MCM6: variants seen among roughly 807,000 people sequenced by gnomAD.
MCM6 encodes minichromosome maintenance complex component 6, also known as DNA replication licensing factor MCM6.
MCM6 carries 46 observed loss-of-function variants against 94.3 expected under a neutral mutation model. The observed-to-expected ratio is 0.49, with a 90% CI of 0.39 to 0.62. MCM6 has a LOEUF of 0.62. MCM6 is among the 20% of genes least tolerant of loss of function. MCM6 has a pLI of 0.00. For missense variants in MCM6, 865 were observed against 1,017.9 expected (o/e 0.85, Z 2.04); for synonymous variants, 335 against 351.9 (o/e 0.95, Z 0.54).
intron 14 of MCM6, among the ~76,000 whole-genome samples, chr2:135,846,620 G>A (rs940109114): frequency 6.6e-6 from 1 of 152,072 alleles, no homozygotes; most frequent in African/African-American, 2.4e-5. Context: ...GGGATTACAG[G>A]TGTGGGCCAC....
chr2:135,858,560 T>C (rs1348628431), intron 9 of MCM6, among the ~76,000 whole-genome samples: 1 of 152,162 alleles, frequency 6.6e-6, no homozygotes, highest in East Asian at 1.9e-4. Context: ...GGGACTCTTC[T>C]ATTCTCCAAA....
At chr2:135,843,730 C>CAAAAAAAA (rs55634938) in intron 16 of MCM6, among the ~76,000 whole-genome samples, 3 of 90,902 alleles carry the variant, frequency 3.3e-5, no homozygotes, top group African/African-American at 1.1e-4. Context: ...AACTCTGTCT[C>CAAAAAAAA]AAAAAAAAAA....
chr2:135,844,236 T>C (rs915525206), intron 16 of MCM6, among the ~76,000 whole-genome samples: 20 of 151,900 alleles, frequency 1.3e-4, no homozygotes, highest in Non-Finnish European at 1.0e-4. Context: ...AAATGAAACA[T>C]AGAAAGTAGG....
intron 16 of MCM6, 129 bp from the exon 17 acceptor site, chr2:135,841,080 T>C (rs554872894): frequency 4.3e-6 from 3 of 690,354 alleles, no homozygotes; most frequent in Admixed American, 4.4e-5. Context: ...TAGAAACTCC[T>C]AGGAAAAGGA....
chr2:135,862,582 A>C, intron 8 of MCM6, 25 bp downstream of exon 8: 1 of 1,613,108 alleles, frequency 6.2e-7, no homozygotes, highest in African/African-American at 1.3e-5. Context: ...TTTTTCCTGC[A>C]ACACTGTATC....
intron 8 of MCM6, 58 bp from the exon 9 acceptor site, chr2:135,859,500 A>C (rs995405227): frequency 2.7e-5 from 33 of 1,231,828 alleles, no homozygotes; most frequent in Admixed American, 2.4e-5. Context: ...CACCCTTCCC[A>C]GGAAAACCAG....
chr2:135,843,600 C>A (rs539073425), intron 16 of MCM6, among the ~76,000 whole-genome samples: 126 of 151,420 alleles, frequency 8.3e-4, no homozygotes, highest in African/African-American at 2.8e-3. Context: ...ATTAGCCGGG[C>A]GTGGTGGCCG....
intron 4 of MCM6, among the ~76,000 whole-genome samples, chr2:135,867,369 T>C (rs1256795997): frequency 1.3e-5 from 2 of 150,122 alleles, no homozygotes; most frequent in Non-Finnish European, 3.0e-5. Flanking sequence ...ACAGTTGTGT[T>C]CCCCCCCCCA....
chr2:135,867,625 G>A (rs1680124138), intron 4 of MCM6, among the ~76,000 whole-genome samples: 1 of 151,930 alleles, frequency 6.6e-6, no homozygotes, highest in Non-Finnish European at 1.5e-5. Context: ...GAAATCTGAG[G>A]GTCCCCTTCA....
At chr2:135,870,529 T>C (rs563025175) in intron 2 of MCM6, among the ~76,000 whole-genome samples, 168 bp from the exon 3 acceptor site, 10 of 152,298 alleles carry the variant, frequency 6.6e-5, no homozygotes, top group African/African-American at 2.4e-4. Flanking sequence ...AGGACCCTCT[T>C]TCAGTTCTCT....
chr2:135,871,909 T>C lies in MCM6; in HGVS notation c.254+788A>G, dbSNP rs1194654022. On this transcript the variant is annotated intron_variant, in intron 2 of 16. Coordinates refer to ENST00000264156, the MANE Select transcript of MCM6 (RefSeq NM_005915.6). ...ATTTAATTCTCCTTACTCTTCTCCA[T>C]TTTCTACAATATATACCTATTACTT... Among the ~76,000 whole-genome samples the C allele has an allele frequency of 2.0e-5, 3 of 152,316 alleles. No homozygotes were observed. In the East Asian group the frequency reaches 5.8e-4, roughly 29 times the overall value.
Position 135,866,115 on chromosome 2 carries a change from C to T in MCM6, c.927+17G>A. On this transcript the variant is annotated intron_variant, in intron 6 of 16. Coordinates refer to ENST00000264156, the MANE Select transcript of MCM6 (RefSeq NM_005915.6). ...AGACTGTTTCAAAAACAAACAAAAACCCCCAAAACGACTGACCCTTGGGTT... is the reference window on the plus strand; with the variant it reads ...AGACTGTTTCAAAAACAAACAAAAATCCCCAAAACGACTGACCCTTGGGTT... 6.2e-7 allele frequency: 1 copy of T among 1,612,646 alleles called. No individual in the cohort carries two copies. The highest frequency in any genetic ancestry group is 8.5e-7 in the Non-Finnish European group (1 of 1,179,604).
At chr2:135,869,785 G>A (rs921778345) in intron 3 of MCM6, among the ~76,000 whole-genome samples, 7 of 151,846 alleles carry the variant, frequency 4.6e-5, no homozygotes, top group South Asian at 2.1e-4. Context: ...CCTAAAAGGC[G>A]CCCTAAAATG....
Position 135,840,675 on chromosome 2 carries a change from G to A in MCM6, c.*160C>T. The A allele has an allele frequency of 1.7e-6, 1 of 584,762 alleles. No individual in the cohort carries two copies. The highest frequency in any genetic ancestry group is 3.1e-6 in the Non-Finnish European group (1 of 326,620). The allele number at this position is 584,762 out of a possible 1,614,324, so 36.2% of individuals were successfully genotyped here. Reference sequence around the variant, plus strand: ...TGTTGGTATGAAACCTGTGATGAATGTGACACATAGGACCATCAACTCAAT... The same window carrying A: ...TGTTGGTATGAAACCTGTGATGAATATGACACATAGGACCATCAACTCAAT... On this transcript the variant is annotated 3_prime_UTR_variant, in exon 17 of 17. Transcript: ENST00000264156.
intron 5 of MCM6, 27 bp downstream of exon 5, chr2:135,866,536 G>C (rs1461638633): frequency 5.7e-6 from 9 of 1,590,252 alleles, no homozygotes; most frequent in Non-Finnish European, 6.0e-6. Flanking sequence ...CTGAGAATTT[G>C]TTAAATTTGA....
chr2:135,864,777 A>T (rs1196445240), intron 7 of MCM6, among the ~76,000 whole-genome samples: 1 of 152,006 alleles, frequency 6.6e-6, no homozygotes, highest in African/African-American at 2.4e-5. Flanking sequence ...TAAATAACTC[A>T]TTTCTCCCAT....
chr2:135,867,539 GATA>G (rs1680121208), intron 4 of MCM6, among the ~76,000 whole-genome samples: 2 of 152,230 alleles, frequency 1.3e-5, no homozygotes, highest in South Asian at 4.1e-4. Context: ...AAATTCATCT[GATA>G]ATAATTATTC....
intron 11 of MCM6, among the ~76,000 whole-genome samples, 158 bp from the exon 12 acceptor site, chr2:135,853,073 G>C (rs1057091138): frequency 1.3e-5 from 2 of 152,192 alleles, no homozygotes; most frequent in African/African-American, 4.8e-5. Context: ...TTTGGGAACA[G>C]GTGGATTTAA....
chr2:135,862,578 C>G (rs916043619), intron 8 of MCM6, 29 bp downstream of exon 8: 3 of 1,612,268 alleles, frequency 1.9e-6, no homozygotes, highest in Non-Finnish European at 2.5e-6. Flanking sequence ...ACACTTTTTC[C>G]TGCAACACTG....
Sources: gnomAD v4.1 joint callset for allele counts (sites outside exome capture counted in the v4.1 genomes callset) on GRCh38, gnomAD v4.1.1 for gene constraint, MANE v1.5 for transcripts, NCBI Gene and HGNC (gene_info 2026-07-23, HGNC 2026-07-21) for gene names.